The following SORCS2 variants were observed in gnomAD, a reference collection of about 807,000 sequenced individuals.
SORCS2 encodes VPS10 domain-containing receptor SorCS2.
In SORCS2, 100 loss-of-function variants were observed where a neutral mutation model predicts 141.6. The observed-to-expected ratio is 0.71, with a 90% confidence interval of 0.60 to 0.83. SORCS2 has a LOEUF of 0.83. Ranked by LOEUF, SORCS2 falls within the 40% of genes least tolerant of loss-of-function variation. The pLI is 0.00. For missense variants in SORCS2, 1,646 were observed against 1,560.2 expected, an observed-to-expected ratio of 1.05 and a Z score of -0.93; for synonymous variants, 789 against 676.9, an observed-to-expected ratio of 1.17 and a Z score of -2.57.
intron 2 of SORCS2, chr4:7,433,862 C>G: frequency 6.2e-7 from 1 of 1,613,926 alleles, no homozygotes; most frequent in Non-Finnish European, 8.5e-7. Flanking sequence ...TAGGTGTCCA[C>G]CAAGATGATG....
chr4:7,725,464 C>A (rs1443700864), intron 20 of SORCS2, among the ~76,000 whole-genome samples, 177 bp downstream of exon 20: 1 of 152,214 alleles, frequency 6.6e-6, no homozygotes, highest in Non-Finnish European at 1.5e-5. Context: ...GGTGCCTTTT[C>A]AGGGCCCATC....
At position 7,286,477 on chromosome 4, in the gene SORCS2, T is replaced by C. The variant is rs564185844; in HGVS notation, c.480+93351T>C. On this transcript the variant is annotated intron_variant, in intron 1 of 26. Transcript: ENST00000507866. This position sits in a 1 kb window ranked among gnomAD's most constrained non-coding sequence, Gnocchi z 4.1. ...GAGATGCACCATCCTCTCAGCCCTGTTTCTCTTCTTCTCCTGAGGTTTCCA... is the reference window on the plus strand; with the variant it reads ...GAGATGCACCATCCTCTCAGCCCTGCTTCTCTTCTTCTCCTGAGGTTTCCA... Among the ~76,000 whole-genome samples the C allele has an allele frequency of 2.0e-5, 3 of 152,298 alleles. No homozygotes were observed. Among genetic ancestry groups the C allele is most frequent in the Non-Finnish European group, 4.4e-5 (3 of 68,028 alleles).
At chr4:7,349,119 T>C (rs530704021) in intron 1 of SORCS2, among the ~76,000 whole-genome samples, 2 of 152,270 alleles carry the variant, frequency 1.3e-5, no homozygotes, top group Non-Finnish European at 2.9e-5. Context: ...GCTTGCAGTA[T>C]GTTAGCATAC....
At chr4:7,356,408 G>A (rs1721255669) in intron 1 of SORCS2, among the ~76,000 whole-genome samples, 1 of 152,164 alleles carries the variant, frequency 6.6e-6, no homozygotes, top group Non-Finnish European at 1.5e-5. Flanking sequence ...TTCTGGTGAG[G>A]GCTCTTTTCC....
Position 7,295,314 on chromosome 4 carries a change from G to A in SORCS2, c.481-100974G>A, listed in dbSNP as rs180921727. On this transcript the variant is annotated intron_variant, in intron 1 of 26. Coordinates refer to ENST00000507866, the MANE Select transcript of SORCS2 (RefSeq NM_020777.3). ...GCCCCTCTGAGCCCAGAAACATGGCGCAGGCCTGATTTTCATGAATAATCA... is the reference window on the plus strand; with the variant it reads ...GCCCCTCTGAGCCCAGAAACATGGCACAGGCCTGATTTTCATGAATAATCA... Among the ~76,000 whole-genome samples, 31 of 150,070 alleles carry A rather than the reference G, an allele frequency of 2.1e-4. 1 individual carries two copies. The highest frequency in any genetic ancestry group is 7.6e-4 in the African/African-American group (31 of 40,682).
chr4:7,689,626 T>G, intron 11 of SORCS2, 38 bp downstream of exon 11: 1 of 1,534,540 alleles, frequency 6.5e-7, no homozygotes, highest in South Asian at 1.2e-5. Context: ...GCAGGTGCCA[T>G]TACAGCCCAA....
intron 1 of SORCS2, among the ~76,000 whole-genome samples, chr4:7,232,466 C>G (rs1024972117): frequency 2.6e-5 from 4 of 152,176 alleles, no homozygotes; most frequent in Non-Finnish European, 4.4e-5. Context: ...TGTCACCCCC[C>G]ACGGCAGCCC....
intron 1 of SORCS2, among the ~76,000 whole-genome samples, chr4:7,389,485 G>A (rs1339691650): frequency 6.6e-6 from 1 of 152,178 alleles, no homozygotes; most frequent in Non-Finnish European, 1.5e-5. Flanking sequence ...TGGGGCGGGG[G>A]TGAGGAAAGA....
At chr4:7,575,091 C>T (rs768717585) in intron 3 of SORCS2, among the ~76,000 whole-genome samples, 1 of 152,136 alleles carries the variant, frequency 6.6e-6, no homozygotes, top group Non-Finnish European at 1.5e-5. Flanking sequence ...ACTGGGGCTC[C>T]ACGTGGCCCT....
intron 3 of SORCS2, among the ~76,000 whole-genome samples, chr4:7,572,123 T>C (rs1715444416): frequency 6.6e-6 from 1 of 152,158 alleles, no homozygotes; most frequent in Non-Finnish European, 1.5e-5. Flanking sequence ...CTCCTGGTCT[T>C]GAAGCTCCTC....
At chr4:7,383,163 A>C (rs1047522033) in intron 1 of SORCS2, among the ~76,000 whole-genome samples, 3 of 152,030 alleles carry the variant, frequency 2.0e-5, no homozygotes, top group Non-Finnish European at 4.4e-5. Flanking sequence ...CTTTCTTGAG[A>C]AGATAATTTG....
intron 1 of SORCS2, among the ~76,000 whole-genome samples, chr4:7,276,385 C>T (rs1182538363): frequency 2.0e-5 from 3 of 152,096 alleles, no homozygotes; most frequent in Non-Finnish European, 4.4e-5. Context: ...AAGATACGTC[C>T]CCAGCTCCAC....
rs557870549 is a variant in SORCS2, at chr4:7,682,590, A to C, written c.1342-153A>C. 3.3e-5 allele frequency among the ~76,000 whole-genome samples: 5 copies of C among 152,100 alleles called. No homozygotes were observed. The South Asian group carries it at 8.3e-4, about 25-fold the overall frequency. On this transcript the variant is annotated intron_variant, in intron 9 of 26. Coordinates refer to ENST00000507866, the MANE Select transcript of SORCS2 (RefSeq NM_020777.3). ...TCCCTGGCCCCTCTAAACCTCACTC[A>C]CCTCTAGAATGTGTCTCAGCTGCTG...
chr4:7,565,020 T>C (rs1050629457), intron 3 of SORCS2, among the ~76,000 whole-genome samples: 1 of 152,064 alleles, frequency 6.6e-6, no homozygotes, highest in Non-Finnish European at 1.5e-5. Flanking sequence ...CTTTGGATGC[T>C]CCTCCTCATG....
At chr4:7,207,949 C>T (rs913291425) in intron 1 of SORCS2, among the ~76,000 whole-genome samples, 4 of 152,188 alleles carry the variant, frequency 2.6e-5, no homozygotes, top group South Asian at 2.1e-4. Flanking sequence ...TGGGCAATGA[C>T]GGGGAAATCC....
chr4:7,403,997 A>ATTTTTTTT (rs60403055), intron 2 of SORCS2, among the ~76,000 whole-genome samples: 2 of 19,000 alleles, frequency 1.1e-4, no homozygotes, highest in African/African-American at 3.1e-4. Context: ...ATATATATAT[A>ATTTTTTTT]TTTTTTTTTT....
At chr4:7,705,672 T>G (rs1200576907) in intron 14 of SORCS2, among the ~76,000 whole-genome samples, 2 of 152,152 alleles carry the variant, frequency 1.3e-5, no homozygotes, top group African/African-American at 2.4e-5. Flanking sequence ...ACACTCTGGC[T>G]GGGTTCAGCA....
At chr4:7,271,653 A>G (rs1715138033) in intron 1 of SORCS2, among the ~76,000 whole-genome samples, 1 of 152,206 alleles carries the variant, frequency 6.6e-6, no homozygotes, top group Admixed American at 6.5e-5. Context: ...CGTCTGCCAC[A>G]GGAGGGGTGC....
At chr4:7,671,702 A>G (rs769015862) in intron 8 of SORCS2, among the ~76,000 whole-genome samples, 23 of 152,216 alleles carry the variant, frequency 1.5e-4, no homozygotes, top group Non-Finnish European at 2.8e-4. Context: ...AACGCAGTCT[A>G]TGGGAGCTTT....
Sources: allele counts gnomAD v4.1 joint callset (sites outside exome capture counted in the v4.1 genomes callset), GRCh38; gene constraint gnomAD v4.1.1; non-coding constraint Gnocchi (gnomAD v3.1); transcripts MANE v1.5; gene names NCBI Gene and HGNC (gene_info 2026-07-23, HGNC 2026-07-21).